Variants in NPAS3 observed in about 807,000 individuals in gnomAD.
The protein encoded by NPAS3 is neuronal PAS domain-containing protein 3.
NPAS3 carries 14 observed loss-of-function variants against 73.1 expected under a neutral mutation model. The ratio of observed to expected loss-of-function variants is 0.19; its 90% CI spans 0.13 to 0.30. NPAS3 has a LOEUF of 0.30. Ranked by LOEUF, NPAS3 falls within the 10% of genes least tolerant of loss-of-function variation. The probability of loss-of-function intolerance (pLI) is 1.00; values close to 1 mark genes in which losing one functional copy is unlikely to be tolerated. For missense variants in NPAS3, 1,096 were observed against 1,250.0 expected, an observed-to-expected ratio of 0.88 and a Z score of 1.86; for synonymous variants, 620 against 541.5, an observed-to-expected ratio of 1.14 and a Z score of -2.01.
chr14:33,469,090 T>C (rs1421659518), intron 4 of NPAS3, among the ~76,000 whole-genome samples: 3 of 152,206 alleles, frequency 2.0e-5, no homozygotes, highest in Non-Finnish European at 4.4e-5. Context: ...TATCCTTTAG[T>C]AATTAAAGAC....
intron 2 of NPAS3, among the ~76,000 whole-genome samples, chr14:33,170,165 A>G (rs1486151657): frequency 6.6e-6 from 1 of 152,218 alleles, no homozygotes; most frequent in Non-Finnish European, 1.5e-5. Context: ...TCAGTTCCAG[A>G]CTACTACAAT....
intron 2 of NPAS3, among the ~76,000 whole-genome samples, chr14:33,082,311 GT>G (rs1281816515): frequency 1.3e-5 from 2 of 152,168 alleles, no homozygotes; most frequent in Non-Finnish European, 1.5e-5. Context: ...CACGGCTGGA[GT>G]TACCTTAAAA....
At chr14:33,788,145 T>C (rs774871121) in intron 9 of NPAS3, among the ~76,000 whole-genome samples, 1 of 152,154 alleles carries the variant, frequency 6.6e-6, no homozygotes, top group South Asian at 2.1e-4. Flanking sequence ...AACTGTGGTA[T>C]TAAGTAGAAA....
intron 4 of NPAS3, among the ~76,000 whole-genome samples, chr14:33,467,796 G>A (rs2050599299): frequency 6.6e-6 from 1 of 152,122 alleles, no homozygotes; most frequent in African/African-American, 2.4e-5. Flanking sequence ...ATGATTTTCT[G>A]TGTTCAGCAA....
intron 3 of NPAS3, among the ~76,000 whole-genome samples, chr14:33,295,433 T>C (rs1479615516): frequency 6.6e-6 from 1 of 152,204 alleles, no homozygotes. Flanking sequence ...CTAGCTCCAC[T>C]TTGTCTTCCC....
rs75004217 is a variant in NPAS3 at position 33,185,306 on chromosome 14, G to T, written c.141-29876G>T. 1.4e-3 allele frequency among the ~76,000 whole-genome samples: 209 copies of T among 152,174 alleles called. 2 individuals are homozygous for T. In the East Asian group the frequency reaches 0.031, roughly 22 times the overall value. On this transcript the variant is annotated intron_variant, in intron 2 of 11. Transcript: ENST00000356141. ...TGCCTTTTTTCTCCTTGAGAGTCAG[G>T]ATGTTTGTGATTTTAATGAAGGTTT...
At chr14:33,337,908 T>G (rs763011884) in intron 3 of NPAS3, among the ~76,000 whole-genome samples, 1 of 152,008 alleles carries the variant, frequency 6.6e-6, no homozygotes, top group Non-Finnish European at 1.5e-5. Flanking sequence ...GATTCTTGTA[T>G]ACTGATCTTT....
intron 4 of NPAS3, among the ~76,000 whole-genome samples, chr14:33,381,265 T>G (rs747742289): frequency 6.6e-6 from 1 of 152,190 alleles, no homozygotes; most frequent in Non-Finnish European, 1.5e-5. Flanking sequence ...TAGACAGCAT[T>G]TAATCTTCCG....
chr14:33,550,597 C>T (rs1028702023), intron 4 of NPAS3, among the ~76,000 whole-genome samples: 4 of 152,238 alleles, frequency 2.6e-5, no homozygotes, highest in East Asian at 1.9e-4. Flanking sequence ...AGGCAGCGTA[C>T]GCTGGTCCTT....
intron 10 of NPAS3, among the ~76,000 whole-genome samples, chr14:33,796,765 T>C (rs1446965750): frequency 6.6e-6 from 1 of 152,114 alleles, no homozygotes; most frequent in Non-Finnish European, 1.5e-5. Flanking sequence ...GAACAAAAAT[T>C]AAGCACATTT....
intron 2 of NPAS3, among the ~76,000 whole-genome samples, chr14:33,198,274 T>C (rs1281836920): frequency 2.0e-5 from 3 of 147,828 alleles, no homozygotes; most frequent in Non-Finnish European, 4.5e-5. Context: ...CCCTGCTGGC[T>C]CAGGCAGCCT....
At chr14:33,181,358 G>C (rs2045793534) in intron 2 of NPAS3, among the ~76,000 whole-genome samples, 1 of 152,142 alleles carries the variant, frequency 6.6e-6, no homozygotes, top group African/African-American at 2.4e-5. Context: ...ACTAAAAGAA[G>C]AAAGTGATGT....
At chr14:33,723,043 CACGGGAAAATT>C (rs1317779052) in intron 6 of NPAS3, among the ~76,000 whole-genome samples, 1 of 152,170 alleles carries the variant, frequency 6.6e-6, no homozygotes, top group Non-Finnish European at 1.5e-5. Context: ...TACACATTCA[CACGGGAAAATT>C]AAAATTGGCC....
rs2057027370 is a variant in NPAS3, at chr14:33,590,546, C to CT, written c.558+30337dup. 3.3e-5 allele frequency among the ~76,000 whole-genome samples: 5 copies of CT among 152,114 alleles called. 1 individual carries two copies. The highest frequency in any genetic ancestry group is 1.9e-4 in the East Asian group (1 of 5,190). On this transcript the variant is annotated intron_variant, in intron 5 of 11. Coordinates refer to ENST00000356141, the Ensembl canonical transcript of NPAS3. ...GACCAAACCCATGTGTTTTGCTCAT[C>CT]TAAGAGAGCCACTTTTATTTTTTGA...
At chr14:33,721,292 T>C (rs2061103730) in intron 6 of NPAS3, among the ~76,000 whole-genome samples, 1 of 152,270 alleles carries the variant, frequency 6.6e-6, no homozygotes, top group East Asian at 1.9e-4. Flanking sequence ...GAAAAGGTTG[T>C]AGATATTGGT....
intron 4 of NPAS3, among the ~76,000 whole-genome samples, chr14:33,428,215 A>G (rs2048634145): frequency 6.6e-6 from 1 of 152,050 alleles, no homozygotes; most frequent in Non-Finnish European, 1.5e-5. Flanking sequence ...TTCCCATTCT[A>G]CCACTTGCTA....
chr14:32,969,632 G>C (rs975205571), intron 1 of NPAS3, among the ~76,000 whole-genome samples: 1 of 152,092 alleles, frequency 6.6e-6, no homozygotes, highest in Non-Finnish European at 1.5e-5. Flanking sequence ...ACAGTTCTTA[G>C]GATAGAAGAA....
At chr14:33,798,001 G>C (rs2063564439) in intron 11 of NPAS3, among the ~76,000 whole-genome samples, 2 of 151,814 alleles carry the variant, frequency 1.3e-5, no homozygotes, top group Non-Finnish European at 2.9e-5. Flanking sequence ...CAATCCACTG[G>C]CCATACAGAA....
intron 4 of NPAS3, among the ~76,000 whole-genome samples, chr14:33,396,834 T>TATGTACA (rs2047244431): frequency 4.0e-5 from 6 of 150,982 alleles, no homozygotes; most frequent in Admixed American, 3.4e-4. Context: ...ACATATATTA[T>TATGTACA]ATCTGTCCAT....
Sources: allele counts gnomAD v4.1 joint callset (sites outside exome capture counted in the v4.1 genomes callset), GRCh38; gene constraint gnomAD v4.1.1; transcripts MANE v1.5; gene names NCBI Gene and HGNC (gene_info 2026-07-23, HGNC 2026-07-21).